KIF6: variants seen among roughly 807,000 people sequenced by gnomAD.
KIF6 encodes the protein kinesin-like protein KIF6.
In KIF6, 106 loss-of-function variants were observed where a neutral mutation model predicts 112.7. That is an observed-to-expected ratio of 0.94 (90% confidence interval 0.80 to 1.11). The LOEUF (loss-of-function observed/expected upper bound fraction) is 1.11. Among genes scored for constraint, KIF6 ranks in the 50% least tolerant of loss-of-function variants. KIF6 has a pLI of 0.00. For synonymous variants in KIF6, 339 were observed against 339.9 expected, an observed-to-expected ratio of 1.00 and a Z score of 0.03; for missense variants, 929 against 964.0, an observed-to-expected ratio of 0.96 and a Z score of 0.48.
At chr6:39,570,585 C>T (rs551470045) in intron 10 of KIF6, among the ~76,000 whole-genome samples, 12 of 152,124 alleles carry the variant, frequency 7.9e-5, no homozygotes, top group Non-Finnish European at 1.6e-4. Context: ...CAAATCTCAT[C>T]TTGAATTGTA....
chr6:39,380,534 C>T (rs556599766), intron 16 of KIF6, among the ~76,000 whole-genome samples: 41 of 152,242 alleles, frequency 2.7e-4, no homozygotes, highest in African/African-American at 9.6e-4. Context: ...TGCACAGTCA[C>T]GCGTGTGTGC....
chr6:39,672,701 C>T (rs1282271765), intron 3 of KIF6, among the ~76,000 whole-genome samples: 1 of 152,178 alleles, frequency 6.6e-6, no homozygotes, highest in East Asian at 1.9e-4. Context: ...TGCCTTCTTG[C>T]TGCATCCTCA....
chr6:39,337,168 C>CTTT (rs531905392), intron 22 of KIF6, among the ~76,000 whole-genome samples: 1 of 48,510 alleles, frequency 2.1e-5, no homozygotes, highest in Non-Finnish European at 3.9e-5. Context: ...TCTTTCTTTC[C>CTTT]TTCCTTCTTT....
Position 39,724,356 on chromosome 6 carries a change from G to A in KIF6, c.66+889C>T, listed in dbSNP as rs146970402. 2.4e-3 allele frequency among the ~76,000 whole-genome samples: 359 copies of A among 151,476 alleles called. 1 individual carries two copies. Among genetic ancestry groups the A allele is most frequent in the Non-Finnish European group, 4.4e-3 (298 of 67,938 alleles). On this transcript the variant is annotated intron_variant, in intron 1 of 22. Transcript: ENST00000287152. ...TAGTCCCAGCTACTTGAGAGGTTGA[G>A]GCAGGAGAATGGCGTGAATCCAAGA...
intron 13 of KIF6, among the ~76,000 whole-genome samples, chr6:39,531,664 G>A (rs776793680): frequency 5.9e-5 from 9 of 152,218 alleles, no homozygotes; most frequent in Admixed American, 3.3e-4. Context: ...AGGCACTCAC[G>A]GTTCTTGTCT....
At chr6:39,566,764 C>T (rs1366781960) in intron 10 of KIF6, among the ~76,000 whole-genome samples, 1 of 152,100 alleles carries the variant, frequency 6.6e-6, no homozygotes. Flanking sequence ...CAAGGGAGAA[C>T]ATTTGTTTTT....
intron 13 of KIF6, among the ~76,000 whole-genome samples, chr6:39,518,478 A>G (rs1164524627): frequency 6.6e-6 from 1 of 152,234 alleles, no homozygotes; most frequent in South Asian, 2.1e-4. Flanking sequence ...CTGTGGTGAC[A>G]TATTTTACTG....
rs1781636452 is a variant in KIF6 at position 39,586,341 on chromosome 6, TG to T, written c.909del (p.Ser304ValfsTer3). 1 of 1,614,028 alleles carries T rather than the reference TG, an allele frequency of 6.2e-7. No homozygotes were observed. The highest frequency in any genetic ancestry group is 1.3e-5 in the African/African-American group (1 of 75,064). On this transcript the variant is annotated frameshift_variant, in exon 8 of 23. Coordinates refer to ENST00000287152, the MANE Select transcript of KIF6 (RefSeq NM_145027.6). LOFTEE classifies it high-confidence loss of function. ...CCTCCCAAACTGTCTCTTAGGACAC[TG>T]GTCATCATGGAGTTTCTATAAGGAA... is the stretch of plus-strand genomic sequence containing the variant. Reference protein sequence around the residue: ...SHIPYRNSMMTSVLRDSLGGN... With the variant: ...SHIPYRNSMMXSVLRDSLGGN...
intron 13 of KIF6, among the ~76,000 whole-genome samples, chr6:39,444,208 C>T (rs1772159754): frequency 6.6e-6 from 1 of 152,106 alleles, no homozygotes; most frequent in Non-Finnish European, 1.5e-5. Context: ...TAACTATACC[C>T]TAGGTTTGTC....
chr6:39,532,947 C>T (rs755940482), intron 13 of KIF6, among the ~76,000 whole-genome samples: 14 of 152,186 alleles, frequency 9.2e-5, no homozygotes, highest in Admixed American at 7.2e-4. Context: ...CAGAAACACA[C>T]GCGAATGAAC....
At chr6:39,547,784 G>A (rs1779142537) in intron 10 of KIF6, among the ~76,000 whole-genome samples, 1 of 152,138 alleles carries the variant, frequency 6.6e-6, no homozygotes, top group Non-Finnish European at 1.5e-5. Context: ...TGCATACACA[G>A]TAAAGGTATT....
At position 39,343,655 on chromosome 6, in the gene KIF6, A is replaced by G. The variant is rs1434462259; in HGVS notation, c.2428+54T>C. On this transcript the variant is annotated intron_variant, in intron 22 of 22. Coordinates refer to ENST00000287152, the MANE Select transcript of KIF6 (RefSeq NM_145027.6). The surrounding 1 kb of genome is among the most constrained non-coding windows in gnomAD (Gnocchi z 4.1). Reference sequence around the variant, plus strand: ...CCTCCCACCTCACTGTGTGCTCCCCACAAGTGTTGGTGACCTGCTGCCCAG... The same window carrying G: ...CCTCCCACCTCACTGTGTGCTCCCCGCAAGTGTTGGTGACCTGCTGCCCAG... The G allele has an allele frequency of 1.4e-6, 2 of 1,403,090 alleles. No individual in the cohort carries two copies. The highest frequency in any genetic ancestry group is 2.0e-6 in the Non-Finnish European group (2 of 1,010,124). The allele number at this position is 1,403,090 out of a possible 1,614,324, so 86.9% of individuals were successfully genotyped here.
chr6:39,447,103 A>G (rs1772377785), intron 13 of KIF6, among the ~76,000 whole-genome samples: 1 of 152,212 alleles, frequency 6.6e-6, no homozygotes, highest in African/African-American at 2.4e-5. Flanking sequence ...ACGGGTTAGC[A>G]ATGTAGGGAG....
intron 10 of KIF6, among the ~76,000 whole-genome samples, chr6:39,555,819 C>T (rs953142130): frequency 7.3e-5 from 11 of 151,652 alleles, no homozygotes; most frequent in African/African-American, 2.4e-4. Flanking sequence ...CAGGTGGTAG[C>T]GGTGCATGCC....
At chr6:39,639,785 A>G (rs377251698) in intron 3 of KIF6, 28 bp from the exon 4 acceptor site, 4 of 1,598,656 alleles carry the variant, frequency 2.5e-6, no homozygotes, top group Non-Finnish European at 3.4e-6. Context: ...CACACTTTCA[A>G]TATCAACATG....
intron 13 of KIF6, among the ~76,000 whole-genome samples, chr6:39,516,174 G>A (rs1777075472): frequency 6.6e-6 from 1 of 152,058 alleles, no homozygotes; most frequent in African/African-American, 2.4e-5. Context: ...CTACTACAAT[G>A]TGTCATGTGG....
intron 5 of KIF6, among the ~76,000 whole-genome samples, chr6:39,615,510 C>T (rs367872801): frequency 6.6e-6 from 1 of 150,448 alleles, no homozygotes; most frequent in Non-Finnish European, 1.5e-5. Context: ...CTCCCCAGAC[C>T]CCCATACACA....
chr6:39,710,885 T>C (rs1277282915), intron 3 of KIF6, among the ~76,000 whole-genome samples: 1 of 151,672 alleles, frequency 6.6e-6, no homozygotes, highest in Non-Finnish European at 1.5e-5. Flanking sequence ...ATTAGCCGAG[T>C]GTGGTAGCAT....
intron 13 of KIF6, among the ~76,000 whole-genome samples, chr6:39,453,703 T>C (rs904353549): frequency 6.6e-6 from 1 of 152,204 alleles, no homozygotes; most frequent in Non-Finnish European, 1.5e-5. Flanking sequence ...TGATAAAGAA[T>C]CAATAAAAAC....
Sources: allele counts gnomAD v4.1 joint callset (sites outside exome capture counted in the v4.1 genomes callset), GRCh38; gene constraint gnomAD v4.1.1; non-coding constraint Gnocchi (gnomAD v3.1); transcripts MANE v1.5; gene names NCBI Gene and HGNC (gene_info 2026-07-23, HGNC 2026-07-21).